The following CTNNA2 variants were observed in gnomAD, a reference collection of about 807,000 sequenced individuals.
CTNNA2 encodes the protein catenin alpha-2.
CTNNA2 carries 42 observed loss-of-function variants against 101.0 expected under a neutral mutation model. The ratio of observed to expected loss-of-function variants is 0.42; its 90% CI spans 0.32 to 0.54. The LOEUF (loss-of-function observed/expected upper bound fraction) is 0.54, where lower values mean the gene tolerates loss of function less well. CTNNA2 is among the 20% of genes least tolerant of loss of function. CTNNA2 has a pLI of 0.14. For synonymous variants in CTNNA2, 450 were observed against 456.4 expected (o/e 0.99, Z 0.18); for missense variants, 871 against 1,223.1 (o/e 0.71, Z 4.29).
At chr2:80,346,092 C>G (rs1184322833) in intron 7 of CTNNA2, among the ~76,000 whole-genome samples, 5 of 152,134 alleles carry the variant, frequency 3.3e-5, no homozygotes, top group Non-Finnish European at 7.4e-5. Context: ...GAATTCAGAT[C>G]TGTTTATTTA....
Position 80,519,749 on chromosome 2 carries a change from C to G in CTNNA2, c.1291-25233C>G, listed in dbSNP as rs960143149. Reference sequence around the variant, plus strand: ...ACTACATGCTAGTATCTTTACTTTCCTGCTGAAATAGCCCATAGCACAGTA... The same window carrying G: ...ACTACATGCTAGTATCTTTACTTTCGTGCTGAAATAGCCCATAGCACAGTA... On this transcript the variant is annotated intron_variant, in intron 9 of 18. Transcript: ENST00000402739. Among the ~76,000 whole-genome samples the G allele has an allele frequency of 1.9e-4, 29 of 152,156 alleles. 1 individual carries two copies. Among genetic ancestry groups the G allele is most frequent in the African/African-American group, 6.5e-4 (27 of 41,422 alleles).
At chr2:79,674,349 C>A (rs1157398211) in intron 2 of CTNNA2, among the ~76,000 whole-genome samples, 1 of 152,140 alleles carries the variant, frequency 6.6e-6, no homozygotes, top group African/African-American at 2.4e-5. Context: ...GTGTTACAGA[C>A]CCCTGTCATC....
chr2:79,448,194 G>A (rs1045675959), intron 4 of CTNNA2, among the ~76,000 whole-genome samples: 1 of 151,938 alleles, frequency 6.6e-6, no homozygotes, highest in Admixed American at 6.6e-5. Context: ...TCTTAAATAA[G>A]CTATTCTAAA....
At chr2:79,252,017 A>G (rs1024798507) in intron 2 of CTNNA2, among the ~76,000 whole-genome samples, 1 of 152,210 alleles carries the variant, frequency 6.6e-6, no homozygotes, top group Non-Finnish European at 1.5e-5. Context: ...GTCAGAGGCC[A>G]GAGAATAGAT....
chr2:79,281,400 T>A (rs1040250782), intron 2 of CTNNA2: 1 of 152,238 alleles, frequency 6.6e-6, no homozygotes, highest in African/African-American at 2.4e-5. Flanking sequence ...GCTCAGTTTT[T>A]CTTCCTTTCT....
intron 7 of CTNNA2, among the ~76,000 whole-genome samples, chr2:80,071,091 T>C (rs999886853): frequency 2.0e-5 from 3 of 152,218 alleles, no homozygotes; most frequent in Non-Finnish European, 4.4e-5. Flanking sequence ...CTGATAGATT[T>C]GAGGGCCATT....
chr2:80,388,067 A>G (rs1276906033), intron 7 of CTNNA2, among the ~76,000 whole-genome samples: 2 of 152,256 alleles, frequency 1.3e-5, no homozygotes, highest in African/African-American at 2.4e-5. Context: ...AGCAGAGGAA[A>G]TACACCTCAA....
At chr2:80,373,586 A>G (rs971608394) in intron 7 of CTNNA2, among the ~76,000 whole-genome samples, 1 of 152,186 alleles carries the variant, frequency 6.6e-6, no homozygotes, top group Non-Finnish European at 1.5e-5. Flanking sequence ...ATATTTGAGG[A>G]CCAATAAGGA....
At chr2:79,626,615 GTGTA>G (rs1450152847) in intron 1 of CTNNA2, among the ~76,000 whole-genome samples, 45 of 117,544 alleles carry the variant, frequency 3.8e-4, no homozygotes, top group South Asian at 1.2e-3. Context: ...GCGTGTGTGT[GTGTA>G]TGTGTGTGTG....
At chr2:80,202,879 C>A (rs1558898920) in intron 7 of CTNNA2, among the ~76,000 whole-genome samples, 1 of 152,114 alleles carries the variant, frequency 6.6e-6, no homozygotes, top group Non-Finnish European at 1.5e-5. Context: ...CAAGACTGGG[C>A]AATTTACAAA....
intron 7 of CTNNA2, among the ~76,000 whole-genome samples, chr2:80,181,837 G>A (rs1415318970): frequency 1.3e-5 from 2 of 152,158 alleles, no homozygotes; most frequent in Non-Finnish European, 2.9e-5. Flanking sequence ...TCATGCCAAG[G>A]ACTATCAGTG....
At chr2:80,570,400 A>C (rs941165910) in intron 12 of CTNNA2, among the ~76,000 whole-genome samples, 1 of 152,232 alleles carries the variant, frequency 6.6e-6, no homozygotes, top group Non-Finnish European at 1.5e-5. Flanking sequence ...GAAGAGCAGC[A>C]ATGTGGAGAG....
chr2:80,524,469 A>G (rs368727146), intron 9 of CTNNA2, among the ~76,000 whole-genome samples: 1 of 152,154 alleles, frequency 6.6e-6, no homozygotes. Flanking sequence ...TCACCTGCTT[A>G]AAGTTCTGCC....
chr2:79,443,090 T>A (rs944328762), intron 4 of CTNNA2, among the ~76,000 whole-genome samples: 38 of 152,270 alleles, frequency 2.5e-4, no homozygotes, highest in African/African-American at 9.1e-4. Flanking sequence ...CTAATTTGCA[T>A]AATAATCACA....
intron 8 of CTNNA2, among the ~76,000 whole-genome samples, chr2:80,410,906 G>T (rs138411342): frequency 6.6e-6 from 1 of 152,138 alleles, no homozygotes; most frequent in Non-Finnish European, 1.5e-5. Flanking sequence ...AAGAAGTTTT[G>T]ATCCTAATAC....
At chr2:79,393,953 AG>A (rs1333223371) in intron 4 of CTNNA2, among the ~76,000 whole-genome samples, 1 of 152,054 alleles carries the variant, frequency 6.6e-6, no homozygotes, top group Non-Finnish European at 1.5e-5. Flanking sequence ...TCTAACAAAG[AG>A]GCCACTGACC....
intron 2 of CTNNA2, among the ~76,000 whole-genome samples, chr2:79,712,316 C>T (rs919935486): frequency 1.3e-5 from 2 of 152,308 alleles, no homozygotes; most frequent in Admixed American, 6.5e-5. Context: ...CTTGGATTTT[C>T]GTCTCTTCAT....
At chr2:80,473,011 A>G (rs11903944) in intron 9 of CTNNA2, among the ~76,000 whole-genome samples, 68,096 of 152,080 alleles carry the variant, frequency 0.45, 17,910 homozygotes, top group East Asian at 0.75. Context: ...TAAAGGCATC[A>G]CACAGTCACC....
chr2:80,538,187 A>T lies in CTNNA2; in HGVS notation c.1291-6795A>T, dbSNP rs1386208830. Among the ~76,000 whole-genome samples, 5 of 151,990 alleles carry T rather than the reference A, an allele frequency of 3.3e-5. No individual in the cohort carries two copies. In the East Asian group the frequency reaches 9.6e-4, roughly 29 times the overall value. Reference sequence around the variant, plus strand: ...TTCTTTAGGTTGCCTGTTCACTCTGATGCTAGTTTATTTTGTTGTGCAGAA... The same window carrying T: ...TTCTTTAGGTTGCCTGTTCACTCTGTTGCTAGTTTATTTTGTTGTGCAGAA... On this transcript the variant is annotated intron_variant, in intron 9 of 18. Coordinates refer to ENST00000402739, the MANE Select transcript of CTNNA2 (RefSeq NM_001282597.3).
Sources: gnomAD v4.1 joint callset for allele counts (sites outside exome capture counted in the v4.1 genomes callset) on GRCh38, gnomAD v4.1.1 for gene constraint, MANE v1.5 for transcripts, NCBI Gene and HGNC (gene_info 2026-07-23, HGNC 2026-07-21) for gene names.